BOC: variants seen among roughly 807,000 people sequenced by gnomAD.
BOC encodes BOC cell adhesion associated, oncogene regulated.
In BOC, 76 loss-of-function variants were observed where a neutral mutation model predicts 112.0. That is an observed-to-expected ratio of 0.68 (90% confidence interval 0.56 to 0.82). The LOEUF is 0.82. BOC is among the 40% of genes least tolerant of loss of function. BOC has a pLI of 0.00. For missense variants in BOC, 1,309 were observed against 1,511.7 expected, an observed-to-expected ratio of 0.87 and a Z score of 2.22; for synonymous variants, 580 against 599.8, an observed-to-expected ratio of 0.97 and a Z score of 0.48.
chr3:113,258,955 A>G (rs994284572), intron 4 of BOC, among the ~76,000 whole-genome samples: 3 of 152,240 alleles, frequency 2.0e-5, no homozygotes, highest in Admixed American at 2.0e-4. Context: ...AGTTACATCA[A>G]CGCTTTCTGT....
intron 2 of BOC, among the ~76,000 whole-genome samples, chr3:113,218,423 C>A (rs943630886): frequency 6.6e-6 from 1 of 152,204 alleles, no homozygotes; most frequent in Admixed American, 6.5e-5. Context: ...AGAGGCTGCT[C>A]TGTCTTTCTG....
intron 2 of BOC, among the ~76,000 whole-genome samples, chr3:113,217,267 A>G (rs1007405784): frequency 6.6e-6 from 1 of 152,188 alleles, no homozygotes. Context: ...TGTAATCGCA[A>G]CACTTTGGGA....
chr3:113,240,452 C>G (rs1559827060), intron 2 of BOC, among the ~76,000 whole-genome samples: 1 of 152,184 alleles, frequency 6.6e-6, no homozygotes, highest in African/African-American at 2.4e-5. Flanking sequence ...CCAACCCTGA[C>G]TGTAGTTGTC....
chr3:113,233,148 GGTGTGTGTGTGTGT>G (rs59444901), intron 2 of BOC, among the ~76,000 whole-genome samples: 31 of 124,030 alleles, frequency 2.5e-4, no homozygotes, highest in South Asian at 1.8e-3. Context: ...AAAGGATTGG[GGTGTGTGTGTGTGT>G]GTGTGTGTGT....
At chr3:113,270,753 A>T (rs761873903) in intron 5 of BOC, 48 bp from the exon 6 acceptor site, 1 of 1,547,082 alleles carries the variant, frequency 6.5e-7, no homozygotes. Context: ...TGCAGAGTGA[A>T]GTATTCTGGA....
intron 2 of BOC, among the ~76,000 whole-genome samples, chr3:113,230,158 A>G (rs1314874557): frequency 4.6e-5 from 7 of 152,224 alleles, no homozygotes; most frequent in South Asian, 2.1e-4. Flanking sequence ...ATAGTGGTGC[A>G]TATCACCTGG....
rs1949104019 is a variant in BOC, at chr3:113,280,630, A to AATG, written c.2281_2283dup (p.Asp761dup). 6.2e-7 allele frequency: 1 copy of AATG among 1,610,636 alleles called. No homozygotes were observed. The highest frequency in any genetic ancestry group is 1.1e-5 in the South Asian group (1 of 91,016). ...CTATTATCGACCCACAGACAGTGAC[A>AATG]ATGATAGTGACTACAAGAAGGATAT... On this transcript the variant is annotated inframe_insertion, in exon 14 of 20. Coordinates refer to ENST00000682979, the MANE Select transcript of BOC (RefSeq NM_001378074.1).
intron 2 of BOC, among the ~76,000 whole-genome samples, chr3:113,225,957 T>G (rs1941590169): frequency 6.6e-6 from 1 of 152,130 alleles, no homozygotes; most frequent in Admixed American, 6.5e-5. Context: ...AAATCTCACT[T>G]CCTACATTCT....
chr3:113,243,749 A>G (rs1220942467), intron 2 of BOC, among the ~76,000 whole-genome samples: 1 of 152,182 alleles, frequency 6.6e-6, no homozygotes, highest in Admixed American at 6.5e-5. Context: ...ACATACCTCA[A>G]GAGGCCCAGT....
chr3:113,279,354 G>T lies in BOC; in HGVS notation c.1922G>T (p.Arg641Leu). 1 of 1,614,176 alleles carries T rather than the reference G, an allele frequency of 6.2e-7. No individual in the cohort carries two copies. Among genetic ancestry groups the T allele is most frequent in the Non-Finnish European group, 8.5e-7 (1 of 1,180,028 alleles). Residue 641 changes from arginine to leucine, a missense_variant, in exon 12 of 20, where the codon CGT becomes CTT. By Grantham distance (102) the Arg-to-Leu change is moderately radical. Coordinates refer to ENST00000682979, the MANE Select transcript of BOC (RefSeq NM_001378074.1). ...GNGGFPIQSF[R>L]VEYKKLKKVG... ...GGTGGGTTCCCAATCCAGTCCTTCC[G>T]TGTGGAGTACAAGAAGCTAAAGAAA...
At chr3:113,273,982 G>A (rs1475076193) in intron 8 of BOC, among the ~76,000 whole-genome samples, 3 of 152,150 alleles carry the variant, frequency 2.0e-5, no homozygotes, top group African/African-American at 7.2e-5. Context: ...AGGCCCACAT[G>A]GTGCCGTGGT....
rs773981802 is a variant in BOC at position 113,270,971 on chromosome 3, G to A, written c.667+27G>A. 8.1e-6 allele frequency: 13 copies of A among 1,613,840 alleles called. No homozygotes were observed. The African/African-American group carries it at 1.5e-4, about 18-fold the overall frequency. On this transcript the variant is annotated intron_variant, in intron 6 of 19. Coordinates refer to ENST00000682979, the MANE Select transcript of BOC (RefSeq NM_001378074.1). ...TAAGGCCCGGGCCCACCTGCTGGGG[G>A]ATGGGGGATCACTGATGGAAGGGCT...
chr3:113,268,239 C>G, intron 4 of BOC, 60 bp from the exon 5 acceptor site: 1 of 1,601,620 alleles, frequency 6.2e-7, no homozygotes, highest in Non-Finnish European at 8.5e-7. Flanking sequence ...CAAGCCCACC[C>G]TGAAATGTCA....
intron 2 of BOC, among the ~76,000 whole-genome samples, chr3:113,224,374 C>T (rs559243661): frequency 1.1e-3 from 160 of 152,226 alleles, no homozygotes; most frequent in Non-Finnish European, 2.2e-3. Context: ...GCCTCGAAGA[C>T]TAGGATTCCC....
chr3:113,266,259 G>T (rs1276275327), intron 4 of BOC, among the ~76,000 whole-genome samples: 1 of 152,144 alleles, frequency 6.6e-6, no homozygotes, highest in Non-Finnish European at 1.5e-5. Flanking sequence ...TATTTATCAG[G>T]TACATGAGAT....
chr3:113,237,256 C>T (rs183259206), intron 2 of BOC, among the ~76,000 whole-genome samples: 28 of 152,326 alleles, frequency 1.8e-4, no homozygotes, highest in Non-Finnish European at 2.8e-4. Context: ...CTCAGCACAT[C>T]ATGGGAGCTG....
Position 113,279,454 on chromosome 3 carries a change from A to G in BOC, c.2022A>G (p.Lys674=). 1.2e-6 allele frequency: 2 copies of G among 1,613,582 alleles called. No homozygotes were observed. The highest frequency in any genetic ancestry group is 1.7e-6 in the Non-Finnish European group (2 of 1,179,908). ...CCGTGGAGATCACGGGCCTAGAGAAAGGTAGGGGCCTGGCCACACCGTGGC... is the reference window on the plus strand; with the variant it reads ...CCGTGGAGATCACGGGCCTAGAGAAGGGTAGGGGCCTGGCCACACCGTGGC... The part of the protein sequence containing the change: ...RLSVEITGLE[K]GTSYKFRVRA... Residue 674 remains lysine (K), a splice_region_variant and synonymous_variant, in exon 12 of 20, where the codon AAA becomes AAG. Coordinates refer to ENST00000682979, the MANE Select transcript of BOC (RefSeq NM_001378074.1).
intron 6 of BOC, chr3:113,271,695 C>G (rs1948142207): frequency 5.9e-6 from 1 of 170,132 alleles, no homozygotes; most frequent in Non-Finnish European, 1.3e-5. Flanking sequence ...TGGGTGTGTC[C>G]CTGGTTGGCA....
intron 4 of BOC, among the ~76,000 whole-genome samples, chr3:113,262,877 A>T (rs1947042881): frequency 6.6e-6 from 1 of 152,184 alleles, no homozygotes; most frequent in Non-Finnish European, 1.5e-5. Flanking sequence ...CAACATAGTG[A>T]GGAGTGTCAG....
Sources: gnomAD v4.1 joint callset for allele counts (sites outside exome capture counted in the v4.1 genomes callset) on GRCh38, gnomAD v4.1.1 for gene constraint, MANE v1.5 for transcripts, NCBI Gene and HGNC (gene_info 2026-07-23, HGNC 2026-07-21) for gene names.